Variants in GABRB3 observed in about 807,000 individuals in gnomAD.
The protein encoded by GABRB3 is gamma-aminobutyric acid type A receptor subunit beta3, also known as gamma-aminobutyric acid receptor subunit beta-3.
In GABRB3, 14 loss-of-function variants were observed where a neutral mutation model predicts 52.1. That is an observed-to-expected ratio of 0.27 (90% CI 0.18 to 0.42). GABRB3 has a LOEUF of 0.42. GABRB3 is among the 10% of genes least tolerant of loss of function. The pLI is 1.00. For synonymous variants in GABRB3, 260 were observed against 232.3 expected, an observed-to-expected ratio of 1.12 and a Z score of -1.08; for missense variants, 307 against 609.1, an observed-to-expected ratio of 0.50 and a Z score of 5.22.
At chr15:26,727,683 C>G (rs1233123760) in intron 3 of GABRB3, among the ~76,000 whole-genome samples, 1 of 152,198 alleles carries the variant, frequency 6.6e-6, no homozygotes, top group East Asian at 1.9e-4. Context: ...TCAGCCATCG[C>G]TGTAGCCAGA....
chr15:26,680,133 G>A (rs982284795), intron 3 of GABRB3, among the ~76,000 whole-genome samples: 5 of 152,236 alleles, frequency 3.3e-5, no homozygotes, highest in East Asian at 1.9e-4. Context: ...CCAATCAGTC[G>A]AAGGTCCTGA....
Position 26,724,841 on chromosome 15 carries a change from C to A in GABRB3, c.240+47561G>T, listed in dbSNP as rs80099756. 3.9e-5 allele frequency among the ~76,000 whole-genome samples: 6 copies of A among 152,312 alleles called. No homozygotes were observed. In the South Asian group the frequency reaches 1.2e-3, roughly 32 times the overall value. On this transcript the variant is annotated intron_variant, in intron 3 of 8. Transcript: ENST00000311550. Reference sequence around the variant, plus strand: ...TAAATTCTTGTTCCCTTTGCCCCCCCTCAAAGTATCTGTTTCCAGCTTCTA... The same window carrying A: ...TAAATTCTTGTTCCCTTTGCCCCCCATCAAAGTATCTGTTTCCAGCTTCTA...
intron 3 of GABRB3, among the ~76,000 whole-genome samples, chr15:26,727,239 C>A (rs759857174): frequency 6.6e-6 from 1 of 152,264 alleles, no homozygotes; most frequent in East Asian, 1.9e-4. Flanking sequence ...TGATTCCTGT[C>A]GAATGACGAC....
chr15:26,615,337 C>T lies in GABRB3; in HGVS notation c.461+5977G>A, dbSNP rs146247779. On this transcript the variant is annotated intron_variant, in intron 4 of 8. Transcript: ENST00000311550. ...GTTTTATTTTAGGATGGCATGCATA[C>T]CCTGTCCAGAGCATTCTCTCCCATC... 4.1e-4 allele frequency: 401 copies of T among 985,440 alleles called. 2 individuals carry two copies. The African/African-American group carries it at 6.3e-3, about 16-fold the overall frequency. The allele number at this position is 985,440 out of a possible 1,614,324, so 61.0% of individuals were successfully genotyped here. A position where few individuals can be genotyped will look rare whatever the true frequency, so the allele number is the denominator to read the frequency against.
chr15:26,698,083 C>G (rs1030243081), intron 3 of GABRB3, among the ~76,000 whole-genome samples: 8 of 152,300 alleles, frequency 5.3e-5, no homozygotes, highest in African/African-American at 1.9e-4. Context: ...CACAACAGCC[C>G]CCGTGCAATC....
At chr15:26,716,278 G>A (rs566325466) in intron 3 of GABRB3, among the ~76,000 whole-genome samples, 85 of 152,286 alleles carry the variant, frequency 5.6e-4, no homozygotes, top group African/African-American at 1.9e-3. Flanking sequence ...TGCGCTGGGA[G>A]TGGAGGTGGA....
At chr15:26,582,740 T>G (rs911722853) in intron 5 of GABRB3, among the ~76,000 whole-genome samples, 2 of 152,202 alleles carry the variant, frequency 1.3e-5, no homozygotes, top group African/African-American at 4.8e-5. Flanking sequence ...TTGAGACTAG[T>G]TATAAACCAG....
intron 4 of GABRB3, among the ~76,000 whole-genome samples, chr15:26,619,100 G>C (rs1038325860): frequency 8.5e-5 from 13 of 152,056 alleles, no homozygotes; most frequent in African/African-American, 3.1e-4. Flanking sequence ...CATTGTGGAA[G>C]TCACTGTGGA....
intron 3 of GABRB3, chr15:26,716,890 GAGGACCTCCACCCAACC>G (rs1889490904): frequency 1.2e-6 from 1 of 801,286 alleles, no homozygotes. Context: ...GCCCAGCTCT[GAGGACCTCCACCCAACC>G]ACAGCCTAGC....
At chr15:26,654,390 C>T (rs1013269535) in intron 3 of GABRB3, among the ~76,000 whole-genome samples, 1 of 152,164 alleles carries the variant, frequency 6.6e-6, no homozygotes, top group Non-Finnish European at 1.5e-5. Flanking sequence ...TTGTGATCTG[C>T]CTGCCTTGGC....
chr15:26,638,389 C>T (rs1286644955), intron 3 of GABRB3, among the ~76,000 whole-genome samples: 1 of 152,194 alleles, frequency 6.6e-6, no homozygotes, highest in Non-Finnish European at 1.5e-5. Flanking sequence ...ATAGACGGCA[C>T]CTCTGTTCTA....
intron 4 of GABRB3, among the ~76,000 whole-genome samples, chr15:26,606,249 T>C (rs563520266): frequency 3.9e-5 from 6 of 152,264 alleles, no homozygotes; most frequent in South Asian, 2.1e-4. Flanking sequence ...AGGGGGACTA[T>C]AGTCAAGGAT....
At chr15:26,764,149 CAAAAAAAAAAAAAAAA>C (rs1165542034) in intron 3 of GABRB3, among the ~76,000 whole-genome samples, 192 of 18,012 alleles carry the variant, frequency 0.011, 2 homozygotes, top group East Asian at 0.023. Context: ...GACTCGGTCT[CAAAAAAAAAAAAAAAA>C]AAAAAAAAAA....
chr15:26,629,406 A>C lies in GABRB3; in HGVS notation c.241-7872T>G, dbSNP rs574253328. 5.3e-5 allele frequency among the ~76,000 whole-genome samples: 8 copies of C among 152,278 alleles called. No individual in the cohort carries two copies. In the South Asian group the frequency reaches 1.7e-3, roughly 32 times the overall value. On this transcript the variant is annotated intron_variant, in intron 3 of 8. Transcript: ENST00000311550. ...GCCCTGGGAGGGTGGGCCTGATTAG[A>C]TTAGCACACACCGGGAAGAGACAGG...
chr15:26,716,168 C>T (rs1889459597), intron 3 of GABRB3, among the ~76,000 whole-genome samples: 1 of 152,120 alleles, frequency 6.6e-6, no homozygotes, highest in Non-Finnish European at 1.5e-5. Context: ...TTTTTTTCTC[C>T]TCAAGGCCCA....
intron 3 of GABRB3, among the ~76,000 whole-genome samples, chr15:26,698,707 T>G (rs550723440): frequency 1.3e-5 from 2 of 152,308 alleles, no homozygotes; most frequent in African/African-American, 4.8e-5. Context: ...CTCCCTCTTT[T>G]GGGCTCATTA....
chr15:26,554,176 GTATATATATATATACTATA>G (rs1193151873), intron 8 of GABRB3, among the ~76,000 whole-genome samples: 1 of 27,344 alleles, frequency 3.7e-5, no homozygotes, highest in Non-Finnish European at 7.4e-5. Context: ...TATATATAAA[GTATATATATATATACTATA>G]TATATATATA....
rs78601497 is a variant in GABRB3, at chr15:26,632,636, T to C, written c.241-11102A>G. 9.4e-4 allele frequency among the ~76,000 whole-genome samples: 143 copies of C among 152,270 alleles called. 2 individuals are homozygous for C. The East Asian group carries it at 0.027, about 28-fold the overall frequency. On this transcript the variant is annotated intron_variant, in intron 3 of 8. Coordinates refer to ENST00000311550, the MANE Select transcript of GABRB3 (RefSeq NM_000814.6). Reference sequence around the variant, plus strand: ...CCAGGGAAATGTAAGAGAGATGCCCTTCACTAAATAAACTGTTCATGCAGG... The same window carrying C: ...CCAGGGAAATGTAAGAGAGATGCCCCTCACTAAATAAACTGTTCATGCAGG...
At position 26,625,560 on chromosome 15, in the gene GABRB3, AC is replaced by A. The variant is rs1266227979; in HGVS notation, c.241-4027del. 6 of 893,738 alleles carry A rather than the reference AC, an allele frequency of 6.7e-6. No homozygotes were observed. The African/African-American group carries it at 1.1e-4, about 16-fold the overall frequency. 55.4% of individuals were successfully genotyped at this position (893,738 alleles called of 1,614,324 possible). A position where few individuals can be genotyped will look rare whatever the true frequency, so the allele number is the denominator to read the frequency against. On this transcript the variant is annotated intron_variant, in intron 3 of 8. Coordinates refer to ENST00000311550, the MANE Select transcript of GABRB3 (RefSeq NM_000814.6). ...CTGCAGAAACAGAAGATACTTTGAG[AC>A]TTTAAAAGCTCCAAGGATTAAAGGA...
Sources: gnomAD v4.1 joint callset for allele counts (sites outside exome capture counted in the v4.1 genomes callset) on GRCh38, gnomAD v4.1.1 for gene constraint, MANE v1.5 for transcripts, NCBI Gene and HGNC (gene_info 2026-07-23, HGNC 2026-07-21) for gene names.